NRDC: variants seen among roughly 807,000 people sequenced by gnomAD.
NRDC encodes the protein nardilysin.
A neutral mutation model predicts 147.1 loss-of-function variants in NRDC; 54 were observed. The ratio of observed to expected loss-of-function variants is 0.37; its 90% CI spans 0.29 to 0.46. The LOEUF is 0.46. NRDC is among the 20% of genes least tolerant of loss of function. The probability of loss-of-function intolerance (pLI) is 1.00; values close to 1 mark genes in which losing one functional copy is unlikely to be tolerated. For synonymous variants in NRDC, 440 were observed against 482.1 expected, an observed-to-expected ratio of 0.91 and a Z score of 1.14; for missense variants, 1,082 against 1,370.6, an observed-to-expected ratio of 0.79 and a Z score of 3.33.
intron 10 of NRDC, among the ~76,000 whole-genome samples, chr1:51,817,566 A>G (rs1039919779): frequency 1.3e-5 from 2 of 152,300 alleles, no homozygotes; most frequent in Non-Finnish European, 2.9e-5. Context: ...TTTGAGACAG[A>G]GTCTTGCTTT....
chr1:51,840,584 T>C, intron 1 of NRDC, 70 bp from the exon 2 acceptor site: 1 of 1,029,012 alleles, frequency 9.7e-7, no homozygotes, highest in Non-Finnish European at 1.4e-6. Flanking sequence ...GTAATCAGCT[T>C]AGCAGAATTT....
At chr1:51,794,340 T>C in intron 24 of NRDC, 132 bp downstream of exon 24, 1 of 828,660 alleles carries the variant, frequency 1.2e-6, no homozygotes. Context: ...TTTTTAAATG[T>C]AGTTGCTTCA....
intron 1 of NRDC, among the ~76,000 whole-genome samples, chr1:51,872,119 C>A (rs1683113970): frequency 6.6e-6 from 1 of 152,194 alleles, no homozygotes; most frequent in South Asian, 2.1e-4. Flanking sequence ...GATCCACCAG[C>A]CTCAGCCTCC....
intron 2 of NRDC, 69 bp from the exon 3 acceptor site, chr1:51,836,281 A>C: frequency 1.9e-6 from 3 of 1,584,048 alleles, no homozygotes; most frequent in East Asian, 2.2e-5. Context: ...ATCTTATCTT[A>C]AGGATTCATT....
intron 1 of NRDC, among the ~76,000 whole-genome samples, chr1:51,842,607 C>T (rs1413944586): frequency 2.0e-5 from 3 of 152,088 alleles, no homozygotes; most frequent in Non-Finnish European, 2.9e-5. Flanking sequence ...CAACAAACTA[C>T]GACAGTGGTT....
intron 1 of NRDC, among the ~76,000 whole-genome samples, chr1:51,854,114 A>T (rs1682119330): frequency 6.6e-6 from 1 of 152,176 alleles, no homozygotes; most frequent in South Asian, 2.1e-4. Context: ...TCACACCTGT[A>T]ATCCCAGCAC....
rs1318922449 is a variant in NRDC at position 51,821,839 on chromosome 1, G to A, written c.1160-284C>T. 3.9e-5 allele frequency among the ~76,000 whole-genome samples: 6 copies of A among 152,288 alleles called. No homozygotes were observed. The East Asian group carries it at 1.2e-3, about 29-fold the overall frequency. ...AAAATATATCTTTAGCATTAGGCTA[G>A]TGTGAAGGACCAAGAGATAAGATTA... On this transcript the variant is annotated intron_variant, in intron 7 of 30. Transcript: ENST00000352171.
At chr1:51,864,794 A>G (rs909981979) in intron 1 of NRDC, among the ~76,000 whole-genome samples, 1 of 152,054 alleles carries the variant, frequency 6.6e-6, no homozygotes. Context: ...TCTGCTAAAA[A>G]TACAAAAATT....
chr1:51,814,427 A>T, intron 13 of NRDC, 124 bp downstream of exon 13: 2 of 854,896 alleles, frequency 2.3e-6, no homozygotes, highest in Admixed American at 4.9e-5. Context: ...GAGTCAATAA[A>T]GGAAATAGAG....
chr1:51,825,633 T>G (rs769200705), intron 5 of NRDC, among the ~76,000 whole-genome samples: 4 of 152,224 alleles, frequency 2.6e-5, no homozygotes, highest in Non-Finnish European at 4.4e-5. Flanking sequence ...CACAAGGTAG[T>G]TAATAATCTG....
chr1:51,823,342 C>A (rs1053690164), intron 7 of NRDC, among the ~76,000 whole-genome samples: 3 of 152,108 alleles, frequency 2.0e-5, no homozygotes, highest in African/African-American at 7.2e-5. Context: ...ACCACAGATA[C>A]AATTGCAGCT....
At chr1:51,822,285 C>G (rs1680244979) in intron 7 of NRDC, among the ~76,000 whole-genome samples, 1 of 152,076 alleles carries the variant, frequency 6.6e-6, no homozygotes. Context: ...CTAATCATTT[C>G]TGAATTTATA....
intron 1 of NRDC, among the ~76,000 whole-genome samples, chr1:51,848,194 G>A (rs755618791): frequency 1.3e-5 from 2 of 152,158 alleles, no homozygotes; most frequent in Non-Finnish European, 2.9e-5. Context: ...AAATAATTAC[G>A]GTGGGGCGCG....
At chr1:51,846,268 G>T (rs1480716325) in intron 1 of NRDC, among the ~76,000 whole-genome samples, 1 of 151,868 alleles carries the variant, frequency 6.6e-6, no homozygotes, top group African/African-American at 2.4e-5. Context: ...GTGCACCACC[G>T]CACCTGGTTA....
chr1:51,805,682 C>G, intron 18 of NRDC, 121 bp from the exon 19 acceptor site: 2 of 616,718 alleles, frequency 3.2e-6, no homozygotes, highest in Non-Finnish European at 5.6e-6. Flanking sequence ...TCCTTAAATC[C>G]TCATTACATC....
chr1:51,827,559 G>A (rs944118905), intron 5 of NRDC, among the ~76,000 whole-genome samples: 2 of 152,010 alleles, frequency 1.3e-5, no homozygotes, highest in Admixed American at 6.6e-5. Context: ...AGCCCCTATG[G>A]TAAAACCTTC....
intron 4 of NRDC, among the ~76,000 whole-genome samples, chr1:51,832,087 C>T (rs1022172190): frequency 3.3e-5 from 5 of 152,010 alleles, no homozygotes; most frequent in African/African-American, 1.2e-4. Flanking sequence ...CACTCTGTCA[C>T]TCAGGCTGGA....
chr1:51,807,638 T>G (rs1679529173), intron 17 of NRDC, among the ~76,000 whole-genome samples: 1 of 151,940 alleles, frequency 6.6e-6, no homozygotes, highest in Non-Finnish European at 1.5e-5. Flanking sequence ...GTTCAGCAGG[T>G]CAAGGCTGCA....
At chr1:51,816,260 A>G (rs1446391563) in intron 11 of NRDC, 52 bp downstream of exon 11, 5 of 1,176,460 alleles carry the variant, frequency 4.3e-6, no homozygotes, top group Non-Finnish European at 6.1e-6. Flanking sequence ...CTTATTGTCT[A>G]CTATTTTTCA....
Sources: gnomAD v4.1 joint callset for allele counts (sites outside exome capture counted in the v4.1 genomes callset) on GRCh38, gnomAD v4.1.1 for gene constraint, MANE v1.5 for transcripts, NCBI Gene and HGNC (gene_info 2026-07-23, HGNC 2026-07-21) for gene names.